Variants in LARP1 observed in about 807,000 individuals in gnomAD.
LARP1 encodes the protein La ribonucleoprotein 1, translational regulator.
A neutral mutation model predicts 122.7 loss-of-function variants in LARP1; 36 were observed. The ratio of observed to expected loss-of-function variants is 0.29; its 90% CI spans 0.22 to 0.39. The LOEUF (loss-of-function observed/expected upper bound fraction) is 0.39, where lower values mean the gene tolerates loss of function less well. LARP1 is among the 10% of genes least tolerant of loss of function. The pLI is 1.00. For synonymous variants in LARP1, 539 were observed against 528.7 expected (o/e 1.02, Z -0.27); for missense variants, 1,040 against 1,403.6 (o/e 0.74, Z 4.14).
At chr5:154,699,008 T>A (rs1253102345) in intron 1 of LARP1, among the ~76,000 whole-genome samples, 1 of 152,210 alleles carries the variant, frequency 6.6e-6, no homozygotes, top group Non-Finnish European at 1.5e-5. Flanking sequence ...TTTCTTTCGA[T>A]ACAAGCTGTG....
chr5:154,736,013 G>A (rs1233384633), intron 1 of LARP1, among the ~76,000 whole-genome samples: 1 of 151,440 alleles, frequency 6.6e-6, no homozygotes, highest in Admixed American at 6.6e-5. Flanking sequence ...TTTAATTCTT[G>A]GGCTTAAGTG....
intron 1 of LARP1, among the ~76,000 whole-genome samples, chr5:154,688,266 G>A (rs948553610): frequency 3.9e-5 from 6 of 152,068 alleles, no homozygotes; most frequent in Non-Finnish European, 7.4e-5. Context: ...CTCTATCCCT[G>A]AATATAGTTT....
At chr5:154,726,137 G>A (rs946190539) in intron 1 of LARP1, among the ~76,000 whole-genome samples, 2 of 152,168 alleles carry the variant, frequency 1.3e-5, no homozygotes, top group Non-Finnish European at 2.9e-5. Flanking sequence ...ACCGCACCTG[G>A]CCAACATTTC....
chr5:154,765,401 G>A lies in LARP1; in HGVS notation c.436+9208G>A, dbSNP rs143436557. 3.4e-3 allele frequency among the ~76,000 whole-genome samples: 522 copies of A among 152,026 alleles called. 1 individual carries two copies. The highest frequency in any genetic ancestry group is 5.3e-3 in the Non-Finnish European group (361 of 67,984). On this transcript the variant is annotated intron_variant, in intron 1 of 18. Coordinates refer to ENST00000518297, the MANE Select transcript of LARP1 (RefSeq NM_033551.3). ...TTCTTAGTTCTCCCCACTGCCCCCC[G>A]CCGCCCCAAGGCAGGGTCTGAGTCT...
intron 1 of LARP1, among the ~76,000 whole-genome samples, chr5:154,778,580 G>C (rs2113705083): frequency 6.6e-6 from 1 of 152,248 alleles, no homozygotes; most frequent in South Asian, 2.1e-4. Context: ...ATGGGTATAA[G>C]GACAAAATCA....
At chr5:154,748,982 A>G (rs1267097008) in intron 1 of LARP1, among the ~76,000 whole-genome samples, 2 of 152,218 alleles carry the variant, frequency 1.3e-5, no homozygotes, top group Admixed American at 6.5e-5. Context: ...TATCTGGTGC[A>G]TTGCAGATGC....
At chr5:154,724,666 A>AT (rs199755292) in intron 1 of LARP1, among the ~76,000 whole-genome samples, 51,564 of 144,618 alleles carry the variant, frequency 0.36, 10,308 homozygotes, top group Non-Finnish European at 0.48. Flanking sequence ...TTCACTGGGA[A>AT]TTTTTTTTTT....
chr5:154,783,906 C>G (rs1756663791), intron 1 of LARP1, among the ~76,000 whole-genome samples: 1 of 152,170 alleles, frequency 6.6e-6, no homozygotes, highest in African/African-American at 2.4e-5. Context: ...GAGGGTGACG[C>G]TGGGGTAGAA....
In LARP1 at chr5:154,802,499, T is replaced by C. The variant is rs1758428032; in HGVS notation, c.2109+100T>C. ...CTGTGCAATTTTAGGCAGGTCCTTA[T>C]AATTCAGAGTCTCAGGATTTTTATA... On this transcript the variant is annotated intron_variant, in intron 11 of 18. Transcript: ENST00000518297. This position sits in a 1 kb window ranked among gnomAD's most constrained non-coding sequence, Gnocchi z 5.1. 1.5e-6 allele frequency: 2 copies of C among 1,376,470 alleles called. No homozygotes were observed. Among genetic ancestry groups the C allele is most frequent in the Admixed American group, 2.5e-5 (1 of 39,240 alleles). 85.3% of individuals were successfully genotyped at this position (1,376,470 alleles called of 1,614,324 possible).
intron 10 of LARP1, among the ~76,000 whole-genome samples, chr5:154,801,413 C>T (rs1758346270): frequency 6.6e-6 from 1 of 152,178 alleles, no homozygotes; most frequent in Non-Finnish European, 1.5e-5. Flanking sequence ...TACCACAATG[C>T]AGTTGGCTGT....
Position 154,799,747 on chromosome 5 carries a change from C to G in LARP1, c.1534C>G (p.Gln512Glu). ...CPEFVPRQHYQKETESAPGSP... is the reference protein window; with the variant it reads ...CPEFVPRQHYEKETESAPGSP... ...TGAATTTGTTCCCCGTCAGCACTAC[C>G]AAAAGGAGACAGGTAGGTACCTGCT... Residue 512 changes from glutamine (Q) to glutamate (E), a missense_variant, in exon 9 of 19, where the codon CAA (glutamine) becomes GAA (glutamate). Around this residue, in one of 8 missense-constraint regions of LARP1, gnomAD observed 362 missense variants for 533.1 expected, o/e 0.68. Coordinates refer to ENST00000518297, the MANE Select transcript of LARP1 (RefSeq NM_033551.3). 1 of 1,614,202 alleles carries G rather than the reference C, an allele frequency of 6.2e-7. No individual in the cohort carries two copies. The highest frequency in any genetic ancestry group is 8.5e-7 in the Non-Finnish European group (1 of 1,180,024).
intron 1 of LARP1, among the ~76,000 whole-genome samples, chr5:154,695,422 G>C (rs1295928201): frequency 6.6e-6 from 1 of 152,136 alleles, no homozygotes; most frequent in Non-Finnish European, 1.5e-5. Context: ...ACTTTGGGAG[G>C]CCGAGGCGGG....
intron 1 of LARP1, among the ~76,000 whole-genome samples, chr5:154,735,727 C>G (rs1224822068): frequency 1.5e-5 from 2 of 133,432 alleles, no homozygotes; most frequent in Non-Finnish European, 3.2e-5. Flanking sequence ...TGCCACCATG[C>G]CCAGCTAATT....
chr5:154,799,345 G>T (rs1262539055), intron 8 of LARP1, among the ~76,000 whole-genome samples: 1 of 152,178 alleles, frequency 6.6e-6, no homozygotes, highest in Admixed American at 6.5e-5. Context: ...CTCTAGAGCA[G>T]ATTACTGGAA....
chr5:154,799,845 A>G, intron 9 of LARP1, 28 bp from the exon 10 acceptor site: 1 of 1,611,676 alleles, frequency 6.2e-7, no homozygotes, highest in Non-Finnish European at 8.5e-7. Context: ...GACTGGAGGG[A>G]TGAGGACTTC....
intron 1 of LARP1, among the ~76,000 whole-genome samples, chr5:154,782,614 C>T (rs982342302): frequency 1.3e-5 from 2 of 152,212 alleles, no homozygotes; most frequent in African/African-American, 4.8e-5. Flanking sequence ...CTCTGCATTC[C>T]TGAGCTGACT....
Position 154,803,198 on chromosome 5 carries a change from C to T in LARP1, c.2110-92C>T. Reference sequence around the variant, plus strand: ...CACGTATGTCGACGTGGGAGCTGCCCTCTCCAACTTCCTGCCAGTCTTGAT... The same window carrying T: ...CACGTATGTCGACGTGGGAGCTGCCTTCTCCAACTTCCTGCCAGTCTTGAT... On this transcript the variant is annotated intron_variant, in intron 11 of 18. Coordinates refer to ENST00000518297, the MANE Select transcript of LARP1 (RefSeq NM_033551.3). This position sits in a 1 kb window ranked among gnomAD's most constrained non-coding sequence, Gnocchi z 4.4. The T allele has an allele frequency of 1.9e-6, 3 of 1,548,740 alleles. No homozygotes were observed. Among genetic ancestry groups the T allele is most frequent in the Non-Finnish European group, 2.7e-6 (3 of 1,125,948 alleles).
intron 1 of LARP1, among the ~76,000 whole-genome samples, chr5:154,773,668 A>G (rs927296456): frequency 1.3e-5 from 2 of 152,208 alleles, no homozygotes; most frequent in African/African-American, 4.8e-5. Flanking sequence ...CATCTGCCAG[A>G]TTCTGAGAGC....
Position 154,804,772 on chromosome 5 carries a change from A to C in LARP1, c.2546+465A>C, listed in dbSNP as rs147192187. ...GCCCACACTCTTTTTTATTTATTTCAGTAAGATGGCCCCAGTGTGTGTTTC... is the reference window on the plus strand; with the variant it reads ...GCCCACACTCTTTTTTATTTATTTCCGTAAGATGGCCCCAGTGTGTGTTTC... On this transcript the variant is annotated intron_variant, in intron 14 of 18. Coordinates refer to ENST00000518297, the MANE Select transcript of LARP1 (RefSeq NM_033551.3). 3,603 of 456,274 alleles carry C rather than the reference A, an allele frequency of 7.9e-3. 25 individuals carry two copies. Among genetic ancestry groups the C allele is most frequent in the Non-Finnish European group, 0.011 (2,469 of 226,974 alleles). The allele number at this position is 456,274 out of a possible 1,614,324, so 28.3% of individuals were successfully genotyped here.
Sources: allele counts gnomAD v4.1 joint callset (sites outside exome capture counted in the v4.1 genomes callset), GRCh38; gene constraint gnomAD v4.1.1; regional missense constraint gnomAD v4.1.1; non-coding constraint Gnocchi (gnomAD v3.1); transcripts MANE v1.5; gene names NCBI Gene and HGNC (gene_info 2026-07-23, HGNC 2026-07-21).